Variants in FRMD4A observed in about 807,000 individuals in gnomAD.
FRMD4A encodes FERM domain-containing protein 4A.
A neutral mutation model predicts 129.1 loss-of-function variants in FRMD4A; 29 were observed. The ratio of observed to expected loss-of-function variants is 0.22; its 90% confidence interval spans 0.17 to 0.31. The LOEUF is 0.31. Among genes scored for constraint, FRMD4A ranks in the 10% least tolerant of loss-of-function variants. The pLI, the probability that FRMD4A is intolerant of heterozygous loss-of-function variation, is 1.00. For synonymous variants in FRMD4A, 634 were observed against 571.6 expected, an observed-to-expected ratio of 1.11 and a Z score of -1.56; for missense variants, 1,272 against 1,375.8, an observed-to-expected ratio of 0.92 and a Z score of 1.19.
intron 3 of FRMD4A, among the ~76,000 whole-genome samples, chr10:13,828,943 A>G (rs1564871716): frequency 1.3e-5 from 2 of 152,336 alleles, no homozygotes; most frequent in African/African-American, 4.8e-5. Flanking sequence ...TCTTTTTGAT[A>G]TAATGATTTA....
intron 8 of FRMD4A, among the ~76,000 whole-genome samples, chr10:13,760,571 A>G (rs749877519): frequency 7.9e-5 from 12 of 152,084 alleles, no homozygotes; most frequent in South Asian, 4.1e-4. Flanking sequence ...AGAAGTGTAC[A>G]TGGAGAGCAA....
chr10:14,292,526 A>C (rs560773024), intron 2 of FRMD4A, among the ~76,000 whole-genome samples: 88 of 152,346 alleles, frequency 5.8e-4, no homozygotes, highest in African/African-American at 2.1e-3. Context: ...TGGGCTGGGC[A>C]TGGTGGCTCA....
chr10:13,653,733 A>C (rs2081887683), intron 23 of FRMD4A: 1 of 149,632 alleles, frequency 6.7e-6, no homozygotes, highest in Admixed American at 6.6e-5. Context: ...GGGGCAACAG[A>C]AGAGGCAGGT....
At chr10:13,962,639 TG>T (rs1333289224) in intron 2 of FRMD4A, among the ~76,000 whole-genome samples, 1 of 152,224 alleles carries the variant, frequency 6.6e-6, no homozygotes, top group Non-Finnish European at 1.5e-5. Context: ...AAACCCTGGC[TG>T]TTCTCCTTCC....
intron 2 of FRMD4A, among the ~76,000 whole-genome samples, chr10:14,294,506 G>T (rs144484963): frequency 1.3e-5 from 2 of 152,130 alleles, no homozygotes; most frequent in Admixed American, 1.3e-4. Context: ...CACTATAGGC[G>T]TTATTATTAT....
At chr10:13,939,959 T>C (rs1388028714) in intron 2 of FRMD4A, among the ~76,000 whole-genome samples, 1 of 152,204 alleles carries the variant, frequency 6.6e-6, no homozygotes, top group Non-Finnish European at 1.5e-5. Context: ...TTTCCAATTA[T>C]TTGGCCATGC....
intron 2 of FRMD4A, among the ~76,000 whole-genome samples, chr10:14,309,548 A>G (rs1364072089): frequency 6.6e-6 from 1 of 152,188 alleles, no homozygotes; most frequent in East Asian, 1.9e-4. Context: ...AAGGCTCTGA[A>G]ACATGGATTT....
intron 2 of FRMD4A, among the ~76,000 whole-genome samples, chr10:14,174,719 T>G (rs148089590): frequency 1.1e-3 from 163 of 152,348 alleles, no homozygotes; most frequent in Non-Finnish European, 2.1e-3. Context: ...TTCAGCCCAC[T>G]GTGAATTTCA....
At chr10:13,946,860 G>T (rs1386863105) in intron 2 of FRMD4A, among the ~76,000 whole-genome samples, 3 of 152,104 alleles carry the variant, frequency 2.0e-5, no homozygotes. Context: ...CTGTGAGCTG[G>T]CCATGCTTCA....
intron 2 of FRMD4A, among the ~76,000 whole-genome samples, chr10:14,245,980 G>C (rs1006227558): frequency 2.6e-5 from 4 of 152,138 alleles, no homozygotes; most frequent in African/African-American, 9.7e-5. Flanking sequence ...CAGCACAGCA[G>C]CCACACAGAA....
intron 2 of FRMD4A, among the ~76,000 whole-genome samples, chr10:14,266,826 T>C (rs1448585030): frequency 6.6e-6 from 1 of 152,126 alleles, no homozygotes; most frequent in East Asian, 1.9e-4. Context: ...TGGGGAACAC[T>C]AGGAATTTTA....
chr10:13,978,665 C>T (rs2095550355), intron 2 of FRMD4A, among the ~76,000 whole-genome samples: 2 of 152,260 alleles, frequency 1.3e-5, no homozygotes, highest in South Asian at 4.2e-4. Context: ...CGTCCCAGCT[C>T]CAACCAAGAG....
intron 12 of FRMD4A, among the ~76,000 whole-genome samples, chr10:13,730,751 C>T (rs1256397364): frequency 7.3e-5 from 11 of 151,018 alleles, no homozygotes; most frequent in South Asian, 6.3e-4. Flanking sequence ...CAGTGGCTCA[C>T]GTCTGTAATC....
intron 2 of FRMD4A, among the ~76,000 whole-genome samples, chr10:13,953,462 G>C (rs978754415): frequency 1.3e-5 from 2 of 152,110 alleles, no homozygotes; most frequent in Non-Finnish European, 2.9e-5. Flanking sequence ...GAATTCATAA[G>C]TTTTAAATTG....
chr10:14,032,641 C>A (rs905271051), intron 2 of FRMD4A, among the ~76,000 whole-genome samples: 1 of 152,234 alleles, frequency 6.6e-6, no homozygotes, highest in Non-Finnish European at 1.5e-5. Flanking sequence ...CAAGGGGGAG[C>A]TGCTGGCGGA....
At position 13,750,429 on chromosome 10, in the gene FRMD4A, G is replaced by A. The variant is rs562981710; in HGVS notation, c.465-2610C>T. On this transcript the variant is annotated intron_variant, in intron 8 of 24. Transcript: ENST00000357447. ...AAGGTGCCCACGATTTAGCTGAGAA[G>A]GTGAGAGGAGCTCCTACAAAGCTCA... Among the ~76,000 whole-genome samples, 4 of 152,308 alleles carry A rather than the reference G, an allele frequency of 2.6e-5. No individual in the cohort carries two copies. In the South Asian group the frequency reaches 8.3e-4, roughly 32 times the overall value.
At chr10:14,128,678 C>T (rs1839062404) in intron 2 of FRMD4A, among the ~76,000 whole-genome samples, 1 of 152,164 alleles carries the variant, frequency 6.6e-6, no homozygotes, top group South Asian at 2.1e-4. Context: ...GGCAAGACTC[C>T]TAGTTTTGTA....
chr10:14,239,568 A>G (rs180752462), intron 2 of FRMD4A, among the ~76,000 whole-genome samples: 64 of 152,246 alleles, frequency 4.2e-4, no homozygotes, highest in African/African-American at 1.4e-3. Flanking sequence ...CGGAGCTTGC[A>G]GTGAGCCGAG....
In FRMD4A at chr10:14,030,494, A is replaced by G. The variant is rs117734536; in HGVS notation, c.46-171582T>C. The stretch of plus-strand genomic sequence containing the variant: ...ACTGATATTAATGTCCTAATGACAT[A>G]CTTGTCTATCAAGCTTCTGCCTTAC... On this transcript the variant is annotated intron_variant, in intron 2 of 24. Coordinates refer to ENST00000357447, the MANE Select transcript of FRMD4A (RefSeq NM_018027.5). 3.6e-3 allele frequency among the ~76,000 whole-genome samples: 554 copies of G among 152,366 alleles called. 2 individuals are homozygous for G. Among genetic ancestry groups the G allele is most frequent in the Middle Eastern group, 6.8e-3 (2 of 294 alleles).
Sources: allele counts gnomAD v4.1 joint callset (sites outside exome capture counted in the v4.1 genomes callset), GRCh38; gene constraint gnomAD v4.1.1; transcripts MANE v1.5; gene names NCBI Gene and HGNC (gene_info 2026-07-23, HGNC 2026-07-21).